The following ARHGEF18 variants were observed in gnomAD, a reference collection of about 807,000 sequenced individuals.
ARHGEF18 encodes rho guanine nucleotide exchange factor 18.
In ARHGEF18, 93 loss-of-function variants were observed where a neutral mutation model predicts 155.7. The observed-to-expected ratio is 0.60, with a 90% CI of 0.50 to 0.71. The LOEUF is 0.71. Ranked by LOEUF, ARHGEF18 falls within the 30% of genes least tolerant of loss-of-function variation. The probability of loss-of-function intolerance (pLI) is 0.00; values close to 1 mark genes in which losing one functional copy is unlikely to be tolerated. For missense variants in ARHGEF18, 1,593 were observed against 1,816.1 expected (o/e 0.88, Z 2.23); for synonymous variants, 742 against 753.1 (o/e 0.99, Z 0.24).
Position 7,462,165 on chromosome 19 carries a change from G to A in ARHGEF18, c.2466G>A (p.Met822Ile), listed in dbSNP as rs534184148. The A allele has an allele frequency of 3.7e-6, 6 of 1,613,922 alleles. No homozygotes were observed. In the African/African-American group the frequency reaches 8.0e-5, roughly 22 times the overall value. Residue 822 changes from methionine to isoleucine, a missense_variant, in exon 21 of 29, where the codon ATG becomes ATA. Coordinates refer to ENST00000668164, the MANE Select transcript of ARHGEF18 (RefSeq NM_001367823.1). This position sits in a 1 kb window ranked among gnomAD's most constrained non-coding sequence, Gnocchi z 4.4. ...RLRDFQERLS[M>I]KDQLIAQSLL... ...ATCACTCTGCAGAGCGGTTGAGCATGAAAGACCAGCTGATCGCACAGAGCC... is the reference window on the plus strand; with the variant it reads ...ATCACTCTGCAGAGCGGTTGAGCATAAAAGACCAGCTGATCGCACAGAGCC...
chr19:7,451,764 C>T (rs898102087), intron 16 of ARHGEF18, among the ~76,000 whole-genome samples: 36 of 151,888 alleles, frequency 2.4e-4, no homozygotes, highest in African/African-American at 8.7e-4. Flanking sequence ...CTGTGTCCCT[C>T]AGGCTGGAGT....
chr19:7,361,991 G>GGAAGAAGAAGAAGAGGAAGAGGAAGAA, intron 1 of ARHGEF18, among the ~76,000 whole-genome samples: 1 of 79,218 alleles, frequency 1.3e-5, no homozygotes, highest in South Asian at 4.8e-4. Flanking sequence ...AAGACTCTGT[G>GGAAGAAGAAGAAGAGGAAGAGGAAGAA]GAAGAAGAAG....
intron 10 of ARHGEF18, among the ~76,000 whole-genome samples, chr19:7,391,890 C>G (rs1047825935): frequency 1.3e-5 from 2 of 151,876 alleles, no homozygotes; most frequent in African/African-American, 2.4e-5. Flanking sequence ...AAACCCTGCT[C>G]TGGGCCTAAG....
Position 7,462,287 on chromosome 19 carries a change from C to G in ARHGEF18, c.2588C>G (p.Ser863Cys). ...GGCCTATTCCGTGGAGGGGACCCAT[C>G]CGAGACCCTGCAGGGGGAGCTAATT... is the stretch of plus-strand genomic sequence containing the variant. ...PRGLFRGGDPSETLQGELILK... is the reference protein window; with the variant it reads ...PRGLFRGGDPCETLQGELILK... Residue 863 changes from serine (S) to cysteine (C), a missense_variant, in exon 21 of 29, where the codon TCC (serine) becomes TGC (cysteine). Transcript: ENST00000668164. The surrounding 1 kb of genome is among the most constrained non-coding windows in gnomAD (Gnocchi z 4.4). 6.2e-7 allele frequency: 1 copy of G among 1,611,882 alleles called. No homozygotes were observed. The highest frequency in any genetic ancestry group is 1.1e-5 in the South Asian group (1 of 90,988).
intron 10 of ARHGEF18, among the ~76,000 whole-genome samples, chr19:7,403,634 C>T (rs763993135): frequency 2.7e-5 from 4 of 150,552 alleles, no homozygotes; most frequent in Admixed American, 1.3e-4. Flanking sequence ...ACGTCCTGGG[C>T]GCAAGCAATC....
chr19:7,404,745 T>A (rs1025191036), intron 10 of ARHGEF18, among the ~76,000 whole-genome samples: 5 of 152,240 alleles, frequency 3.3e-5, no homozygotes, highest in African/African-American at 1.2e-4. Context: ...AGCATGAGGA[T>A]AGCTCTCTAT....
At chr19:7,478,275 G>T in the ARHGEF18 span, 1 of 1,599,498 alleles carries the variant, frequency 6.3e-7, no homozygotes, top group Non-Finnish European at 8.5e-7. Flanking sequence ...GCCTGCTGGA[G>T]GGAGTGGGCC....
intron 10 of ARHGEF18, among the ~76,000 whole-genome samples, chr19:7,419,105 G>A (rs1376834780): frequency 7.4e-6 from 1 of 134,728 alleles, no homozygotes; most frequent in Non-Finnish European, 1.5e-5. Flanking sequence ...ACCCACACTT[G>A]GCCTCTGTAC....
In ARHGEF18 at chr19:7,470,028, A is replaced by AGGG; in HGVS notation, c.3913+1_3913+2insGGG. ...GCAGACACAGTCCTGCGCCCCCACC[A>AGGG]GGTGAGCCCCCACCCCCTGACATGA... On this transcript the variant is annotated inframe_insertion and splice_region_variant, in exon 28 of 29. Coordinates refer to ENST00000668164, the MANE Select transcript of ARHGEF18 (RefSeq NM_001367823.1). The surrounding 1 kb of genome is among the most constrained non-coding windows in gnomAD (Gnocchi z 5.9). 6.2e-7 allele frequency: 1 copy of AGGG among 1,612,402 alleles called. No homozygotes were observed. The highest frequency in any genetic ancestry group is 8.5e-7 in the Non-Finnish European group (1 of 1,179,688).
intron 10 of ARHGEF18, among the ~76,000 whole-genome samples, chr19:7,396,710 T>TAAA (rs757240169): frequency 4.6e-5 from 6 of 130,910 alleles, no homozygotes; most frequent in African/African-American, 1.7e-4. Flanking sequence ...CAAGACTGTC[T>TAAA]AAAAAAAAAA....
At chr19:7,478,743 C>T in the ARHGEF18 span, among the ~76,000 whole-genome samples, 7 of 152,232 alleles carry the variant, frequency 4.6e-5, no homozygotes, top group Non-Finnish European at 8.8e-5. Context: ...GTTGGACAGG[C>T]GTGGGGACGC....
chr19:7,466,450 A>G (rs940262655), intron 23 of ARHGEF18, among the ~76,000 whole-genome samples: 2 of 149,980 alleles, frequency 1.3e-5, no homozygotes, highest in African/African-American at 4.9e-5. Flanking sequence ...CCAGCTACTC[A>G]GGAGGCCGAG....
chr19:7,443,683 C>G (rs1974812438), intron 13 of ARHGEF18, among the ~76,000 whole-genome samples: 1 of 152,128 alleles, frequency 6.6e-6, no homozygotes, highest in Non-Finnish European at 1.5e-5. Context: ...GGGACACACA[C>G]AGATGTGATG....
chr19:7,462,103 C>A lies in ARHGEF18; in HGVS notation c.2453-49C>A. 2 of 1,611,800 alleles carry A rather than the reference C, an allele frequency of 1.2e-6. No homozygotes were observed. The highest frequency in any genetic ancestry group is 2.2e-5 in the East Asian group (1 of 44,866). On this transcript the variant is annotated intron_variant, in intron 20 of 28. Transcript: ENST00000668164. The surrounding 1 kb of genome is among the most constrained non-coding windows in gnomAD (Gnocchi z 4.4). ...GCCAGTCCCCGGGGCTCAGATGATT[C>A]CAGGGAAGGCCGACCCGGCTGACTG...
intron 10 of ARHGEF18, chr19:7,439,890 T>A: frequency 1.4e-6 from 2 of 1,452,650 alleles, no homozygotes; most frequent in Non-Finnish European, 9.1e-7. Context: ...GGTTGTTTTT[T>A]TTTTCTGTTT....
At chr19:7,473,533 C>T (rs760407873), downstream of ARHGEF18, among the ~76,000 whole-genome samples, 10 of 152,040 alleles carry the variant, frequency 6.6e-5, no homozygotes, top group East Asian at 5.8e-4. Flanking sequence ...CCAGGTTGGC[C>T]GGGCGCAGTG....
At chr19:7,432,771 C>A (rs182888210) in intron 10 of ARHGEF18, among the ~76,000 whole-genome samples, 5 of 152,316 alleles carry the variant, frequency 3.3e-5, no homozygotes, top group Admixed American at 3.3e-4. Context: ...TTAAGACAGG[C>A]AATTCTTGCT....
At chr19:7,413,211 C>T (rs879903854) in intron 10 of ARHGEF18, among the ~76,000 whole-genome samples, 64 of 151,720 alleles carry the variant, frequency 4.2e-4, no homozygotes, top group Middle Eastern at 6.8e-3. Flanking sequence ...GCAGGAGGAT[C>T]GATTGAGCCC....
At chr19:7,400,219 T>C (rs773702674) in intron 10 of ARHGEF18, among the ~76,000 whole-genome samples, 1 of 152,206 alleles carries the variant, frequency 6.6e-6, no homozygotes, top group African/African-American at 2.4e-5. Context: ...GAAATATAAT[T>C]AGCACAGCAT....
Sources: gnomAD v4.1 joint callset for allele counts (sites outside exome capture counted in the v4.1 genomes callset) on GRCh38, gnomAD v4.1.1 for gene constraint, Gnocchi (gnomAD v3.1) non-coding constraint, MANE v1.5 for transcripts, NCBI Gene and HGNC (gene_info 2026-07-23, HGNC 2026-07-21) for gene names.